Variants in PCDHA13 observed in about 807,000 individuals in gnomAD.
The protein encoded by PCDHA13 is protocadherin alpha 13.
In PCDHA13, 54 loss-of-function variants were observed where a neutral mutation model predicts 64.8. The ratio of observed to expected loss-of-function variants is 0.83; its 90% CI spans 0.67 to 1.04. PCDHA13 has a LOEUF of 1.04. PCDHA13 is among the 50% of genes least tolerant of loss of function. PCDHA13 has a pLI of 0.00. For missense variants in PCDHA13, 1,248 were observed against 1,254.3 expected (o/e 0.99, Z 0.08); for synonymous variants, 587 against 564.4 (o/e 1.04, Z -0.57).
chr5:140,926,811 C>T, intron 1 of PCDHA13: 3 of 1,464,260 alleles, frequency 2.0e-6, no homozygotes, highest in Admixed American at 5.2e-5. Flanking sequence ...CCCCGCGGCT[C>T]GTGCTCTCCA....
chr5:141,005,463 G>A (rs2098214977), intron 3 of PCDHA13, among the ~76,000 whole-genome samples: 1 of 151,944 alleles, frequency 6.6e-6, no homozygotes. Context: ...CAGCACTTTG[G>A]GAGGCCGAGA....
chr5:140,998,646 C>A (rs1413467899), intron 3 of PCDHA13, among the ~76,000 whole-genome samples: 1 of 151,870 alleles, frequency 6.6e-6, no homozygotes, highest in Non-Finnish European at 1.5e-5. Context: ...CTCACTGCAA[C>A]CTCTGCCTCC....
chr5:140,988,268 G>A (rs1463795699), intron 3 of PCDHA13, among the ~76,000 whole-genome samples: 3 of 152,160 alleles, frequency 2.0e-5, no homozygotes, highest in Non-Finnish European at 4.4e-5. Context: ...AGTATCCTTC[G>A]CTGTCACCTG....
rs1351509805 is a variant in PCDHA13, at chr5:140,928,584, TG to T, written c.2394+43923del. The T allele has an allele frequency of 8.7e-6, 14 of 1,614,150 alleles. No homozygotes were observed. In the African/African-American group the frequency reaches 1.9e-4, roughly 22 times the overall value. On this transcript the variant is annotated intron_variant, in intron 1 of 3. Coordinates refer to ENST00000289272, the MANE Select transcript of PCDHA13 (RefSeq NM_018904.3). ...TGTTTCCCTTGCCCAGAAATGGTTCTGTCCCAGTGGAAATTGTGCCCCGCTC... is the reference window on the plus strand; with the variant it reads ...TGTTTCCCTTGCCCAGAAATGGTTCTTCCCAGTGGAAATTGTGCCCCGCTC...
In PCDHA13 at chr5:141,010,504, A is replaced by C; in HGVS notation, c.*567A>C. On this transcript the variant is annotated 3_prime_UTR_variant, in exon 4 of 4. Transcript: ENST00000289272. ...AACTTAAAGGGACCAGACTTTCTAA[A>C]TCTTACAACTCAAGAGGTGGCAGCC... is the stretch of plus-strand genomic sequence containing the variant. 1.8e-6 allele frequency: 1 copy of C among 549,734 alleles called. No homozygotes were observed. Among genetic ancestry groups the C allele is most frequent in the Non-Finnish European group, 2.9e-6 (1 of 344,512 alleles). The allele number at this position is 549,734 out of a possible 1,614,324, so 34.1% of individuals were successfully genotyped here.
chr5:140,892,237 A>G (rs1288947116), intron 1 of PCDHA13, among the ~76,000 whole-genome samples: 13 of 152,180 alleles, frequency 8.5e-5, no homozygotes, highest in Non-Finnish European at 7.4e-5. Context: ...TTGTCTCCAC[A>G]TAAACCTGGT....
intron 1 of PCDHA13, among the ~76,000 whole-genome samples, chr5:140,898,035 T>G (rs1227571900): frequency 5.9e-5 from 9 of 152,120 alleles, no homozygotes; most frequent in African/African-American, 2.2e-4. Context: ...TTGATGGGGT[T>G]GTTTGTTTTT....
intron 3 of PCDHA13, among the ~76,000 whole-genome samples, chr5:141,000,419 ATATTTTT>A (rs1397100244): frequency 3.9e-4 from 24 of 60,984 alleles, no homozygotes; most frequent in African/African-American, 1.8e-3. Flanking sequence ...ATATATATAT[ATATTTTT>A]TTTTTTTTTT....
intron 1 of PCDHA13, chr5:140,969,615 G>A (rs1417453925): frequency 3.6e-5 from 26 of 714,726 alleles, no homozygotes; most frequent in Non-Finnish European, 5.5e-5. Flanking sequence ...ACACAGATTT[G>A]TAGAGAAACA....
chr5:140,993,372 A>T (rs2097552472), intron 3 of PCDHA13, among the ~76,000 whole-genome samples: 1 of 151,976 alleles, frequency 6.6e-6, no homozygotes, highest in South Asian at 2.1e-4. Context: ...ACTACCTCCC[A>T]GCCGGGTCCC....
chr5:140,932,346 A>C (rs529573484), intron 1 of PCDHA13, among the ~76,000 whole-genome samples: 1 of 151,954 alleles, frequency 6.6e-6, no homozygotes, highest in African/African-American at 2.4e-5. Context: ...AACACTTACC[A>C]TACAACTGGC....
At chr5:140,946,720 A>C (rs1460843213) in intron 1 of PCDHA13, among the ~76,000 whole-genome samples, 4 of 150,970 alleles carry the variant, frequency 2.6e-5, no homozygotes, top group African/African-American at 9.8e-5. Flanking sequence ...ATGTTTAGTT[A>C]AATAAGCCAG....
chr5:140,923,000 G>A (rs1554201089), intron 1 of PCDHA13, among the ~76,000 whole-genome samples: 2 of 152,220 alleles, frequency 1.3e-5, no homozygotes, highest in African/African-American at 4.8e-5. Context: ...CCATGAGAAT[G>A]GTTGTTGGAC....
intron 1 of PCDHA13, among the ~76,000 whole-genome samples, chr5:140,944,386 T>C (rs1228891284): frequency 6.6e-6 from 1 of 152,054 alleles, no homozygotes; most frequent in Admixed American, 6.6e-5. Flanking sequence ...GGAGTCTCAC[T>C]GTGTTATCCA....
At chr5:140,967,749 C>T (rs1554229896) in intron 1 of PCDHA13, 1 of 1,614,172 alleles carries the variant, frequency 6.2e-7, no homozygotes, top group African/African-American at 1.3e-5. Context: ...TATGAGGAAG[C>T]CTCCTCCTAC....
At chr5:140,990,114 A>G (rs1392233617) in intron 3 of PCDHA13, among the ~76,000 whole-genome samples, 9 of 151,936 alleles carry the variant, frequency 5.9e-5, no homozygotes, top group Admixed American at 4.6e-4. Flanking sequence ...GGAAATTGAG[A>G]GCTCTGTAGA....
intron 3 of PCDHA13, among the ~76,000 whole-genome samples, chr5:141,007,109 GA>G (rs1473367544): frequency 6.6e-6 from 1 of 152,138 alleles, no homozygotes; most frequent in Non-Finnish European, 1.5e-5. Flanking sequence ...CAAACCCAAG[GA>G]AGCTTCAACA....
intron 1 of PCDHA13, among the ~76,000 whole-genome samples, chr5:140,896,950 C>A (rs996950218): frequency 6.6e-6 from 1 of 152,106 alleles, no homozygotes; most frequent in Non-Finnish European, 1.5e-5. Context: ...TGGCCATTCC[C>A]TTAAACATTT....
At chr5:140,967,206 G>A in intron 1 of PCDHA13, 2 of 1,613,644 alleles carry the variant, frequency 1.2e-6, no homozygotes, top group South Asian at 2.2e-5. Flanking sequence ...AACTCACCGC[G>A]TTTCCCGCGG....
Sources: allele counts gnomAD v4.1 joint callset (sites outside exome capture counted in the v4.1 genomes callset), GRCh38; gene constraint gnomAD v4.1.1; transcripts MANE v1.5; gene names NCBI Gene and HGNC (gene_info 2026-07-23, HGNC 2026-07-21).